The following PKP4 variants were observed in gnomAD, a reference collection of about 807,000 sequenced individuals.
The protein encoded by PKP4 is plakophilin 4, also known as plakophilin-4.
PKP4 carries 90 observed loss-of-function variants against 145.1 expected under a neutral mutation model. The ratio of observed to expected loss-of-function variants is 0.62; its 90% CI spans 0.52 to 0.74. The LOEUF is 0.74. PKP4 is among the 30% of genes least tolerant of loss of function. The pLI, the probability that PKP4 is intolerant of heterozygous loss-of-function variation, is 0.00. For missense variants in PKP4, 1,340 were observed against 1,482.7 expected (o/e 0.90, Z 1.58); for synonymous variants, 563 against 577.2 (o/e 0.98, Z 0.35).
rs1199927912 is a variant in PKP4, at chr2:158,572,674, A to G, written c.133-4597A>G. Among the ~76,000 whole-genome samples, 3 of 152,346 alleles carry G rather than the reference A, an allele frequency of 2.0e-5. No homozygotes were observed. In the East Asian group the frequency reaches 5.8e-4, roughly 29 times the overall value. ...GAGGACAGGCCTGGGTGCTGGCAGG[A>G]GGAAGACATTTTCCCCCGATAGTTA... On this transcript the variant is annotated intron_variant, in intron 2 of 21. Coordinates refer to ENST00000389759, the MANE Select transcript of PKP4 (RefSeq NM_003628.6).
chr2:158,650,077 T>C (rs946901995), intron 11 of PKP4, among the ~76,000 whole-genome samples: 1 of 152,224 alleles, frequency 6.6e-6, no homozygotes, highest in African/African-American at 2.4e-5. Flanking sequence ...AATGACCTAA[T>C]TCTGTGTCAC....
intron 2 of PKP4, among the ~76,000 whole-genome samples, chr2:158,542,169 A>G (rs1310671362): frequency 6.6e-6 from 1 of 152,174 alleles, no homozygotes; most frequent in Non-Finnish European, 1.5e-5. Flanking sequence ...GTCTAGGACT[A>G]TTGGAAGGGA....
intron 11 of PKP4, among the ~76,000 whole-genome samples, chr2:158,650,432 A>T (rs1416292037): frequency 6.6e-6 from 1 of 152,234 alleles, no homozygotes; most frequent in Non-Finnish European, 1.5e-5. Context: ...GATCTCTAAA[A>T]GTTGGTAGAT....
chr2:158,676,996 C>T, intron 20 of PKP4, 129 bp downstream of exon 20: 1 of 1,083,848 alleles, frequency 9.2e-7, no homozygotes, highest in Admixed American at 1.9e-5. Context: ...ATGTTCCAGT[C>T]ATTCCCTTTC....
At chr2:158,565,943 C>T (rs147343579) in intron 2 of PKP4, among the ~76,000 whole-genome samples, 320 of 152,240 alleles carry the variant, frequency 2.1e-3, no homozygotes, top group African/African-American at 7.3e-3. Context: ...AACACTTGTA[C>T]CTCTTGAGCC....
chr2:158,563,528 A>G (rs1397432577), intron 2 of PKP4, among the ~76,000 whole-genome samples: 1 of 152,102 alleles, frequency 6.6e-6, no homozygotes, highest in Non-Finnish European at 1.5e-5. Flanking sequence ...ATTTACTTCA[A>G]TCCTTTCTAG....
chr2:158,511,180 A>T (rs1487721607), intron 1 of PKP4, among the ~76,000 whole-genome samples: 2 of 152,186 alleles, frequency 1.3e-5, no homozygotes, highest in Admixed American at 6.5e-5. Flanking sequence ...TGAGGTCAGG[A>T]GCTCAAGACC....
intron 4 of PKP4, among the ~76,000 whole-genome samples, chr2:158,616,827 T>C (rs983427380): frequency 2.0e-5 from 3 of 152,212 alleles, no homozygotes; most frequent in Admixed American, 6.5e-5. Flanking sequence ...AGACCCTGTT[T>C]CGTACAGCAA....
At chr2:158,482,219 A>G (rs1232786799) in intron 1 of PKP4, among the ~76,000 whole-genome samples, 2 of 152,234 alleles carry the variant, frequency 1.3e-5, no homozygotes, top group East Asian at 3.8e-4. Flanking sequence ...ACATTTCCAC[A>G]TCATCACAGG....
In PKP4 at chr2:158,643,582, C is replaced by T. The variant is rs367806137; in HGVS notation, c.1909+883C>T. ...AAATAAGTAGCTGGATGTGGTGGCACATGCCTGTGGTTCCAGGTACTTGGG... is the reference window on the plus strand; with the variant it reads ...AAATAAGTAGCTGGATGTGGTGGCATATGCCTGTGGTTCCAGGTACTTGGG... On this transcript the variant is annotated intron_variant, in intron 11 of 21. Transcript: ENST00000389759. Among the ~76,000 whole-genome samples the T allele has an allele frequency of 5.3e-5, 8 of 151,904 alleles. No individual in the cohort carries two copies. The East Asian group carries it at 1.5e-3, about 29-fold the overall frequency.
chr2:158,569,157 A>C (rs1048894817), intron 2 of PKP4, among the ~76,000 whole-genome samples: 1 of 152,178 alleles, frequency 6.6e-6, no homozygotes, highest in African/African-American at 2.4e-5. Flanking sequence ...TACAGATGAG[A>C]GCCTGAGTCT....
chr2:158,574,442 G>T (rs753812349), intron 2 of PKP4, among the ~76,000 whole-genome samples: 1 of 152,084 alleles, frequency 6.6e-6, no homozygotes, highest in Non-Finnish European at 1.5e-5. Flanking sequence ...CTTAATGAGC[G>T]TTATTTTGGA....
intron 2 of PKP4, among the ~76,000 whole-genome samples, chr2:158,564,581 T>G (rs917135803): frequency 6.6e-6 from 1 of 152,154 alleles, no homozygotes; most frequent in Non-Finnish European, 1.5e-5. Flanking sequence ...TTCCTCAAAG[T>G]GTTATAGCAG....
In PKP4 at chr2:158,639,847, C is replaced by T. The variant is rs1265962686; in HGVS notation, c.1563-780C>T. 2.0e-5 allele frequency among the ~76,000 whole-genome samples: 3 copies of T among 152,166 alleles called. No homozygotes were observed. In the East Asian group the frequency reaches 5.8e-4, roughly 29 times the overall value. ...CGCTTCGCAGTTTACAGCCACGTGGCCAGGCGCATGGCCTTTCTGCCTCAA... is the reference window on the plus strand; with the variant it reads ...CGCTTCGCAGTTTACAGCCACGTGGTCAGGCGCATGGCCTTTCTGCCTCAA... On this transcript the variant is annotated intron_variant, in intron 9 of 21. Coordinates refer to ENST00000389759, the MANE Select transcript of PKP4 (RefSeq NM_003628.6).
chr2:158,544,176 C>T (rs561985253), intron 2 of PKP4, among the ~76,000 whole-genome samples: 1 of 152,258 alleles, frequency 6.6e-6, no homozygotes, highest in South Asian at 2.1e-4. Flanking sequence ...AGCTTTGTGG[C>T]TCCAGGGCAG....
intron 1 of PKP4, among the ~76,000 whole-genome samples, chr2:158,532,013 G>T (rs189909145): frequency 6.8e-4 from 104 of 152,284 alleles, no homozygotes; most frequent in Non-Finnish European, 1.2e-3. Context: ...GAGTAGGGAA[G>T]AAGATGGGAT....
At chr2:158,563,657 A>G (rs1184794842) in intron 2 of PKP4, among the ~76,000 whole-genome samples, 1 of 152,132 alleles carries the variant, frequency 6.6e-6, no homozygotes, top group Non-Finnish European at 1.5e-5. Context: ...TTTTCCAAGT[A>G]TATCACAACC....
At position 158,669,718 on chromosome 2, in the gene PKP4, A is replaced by G. The variant is rs2057400695; in HGVS notation, c.2729-2A>G. Reference sequence around the variant, plus strand: ...TAGAATTTACTCTTTTGCCGTTGGCAGGCAAATACGCCATGCGAGACCTGG... The same window carrying G: ...TAGAATTTACTCTTTTGCCGTTGGCGGGCAAATACGCCATGCGAGACCTGG... On this transcript the variant is annotated splice_acceptor_variant, in intron 16 of 21. Transcript: ENST00000389759. LOFTEE classifies it high-confidence loss of function. The G allele has an allele frequency of 1.3e-6, 2 of 1,533,554 alleles. No homozygotes were observed. The allele number at this position is 1,533,554 out of a possible 1,614,324, so 95.0% of individuals were successfully genotyped here.
chr2:158,584,203 T>C (rs2105800902), intron 3 of PKP4, among the ~76,000 whole-genome samples: 1 of 152,326 alleles, frequency 6.6e-6, no homozygotes, highest in Middle Eastern at 3.4e-3. Flanking sequence ...CTGGGCGGTA[T>C]TCTGACTTAG....
Sources: allele counts gnomAD v4.1 joint callset (sites outside exome capture counted in the v4.1 genomes callset), GRCh38; gene constraint gnomAD v4.1.1; transcripts MANE v1.5; gene names NCBI Gene and HGNC (gene_info 2026-07-23, HGNC 2026-07-21).